The following GPHN variants were observed in gnomAD, a reference collection of about 807,000 sequenced individuals.
GPHN encodes gephyrin.
A neutral mutation model predicts 95.5 loss-of-function variants in GPHN; 17 were observed. That is an observed-to-expected ratio of 0.18 (90% CI 0.12 to 0.27). GPHN has a LOEUF of 0.27. Among genes scored for constraint, GPHN ranks in the 10% least tolerant of loss-of-function variants. The probability of loss-of-function intolerance (pLI) is 1.00; values close to 1 mark genes in which losing one functional copy is unlikely to be tolerated. For missense variants in GPHN, 660 were observed against 978.1 expected, an observed-to-expected ratio of 0.67 and a Z score of 4.34; for synonymous variants, 320 against 322.5, an observed-to-expected ratio of 0.99 and a Z score of 0.08.
the GPHN span, chr14:67,333,058 A>G: frequency 1.0e-6 from 1 of 999,708 alleles, no homozygotes; most frequent in Admixed American, 2.4e-5. Flanking sequence ...GATGGAAGGC[A>G]GCAGTATAAG....
intron 13 of GPHN, among the ~76,000 whole-genome samples, chr14:67,101,895 G>A (rs554976492): frequency 1.5e-5 from 2 of 137,598 alleles, no homozygotes; most frequent in East Asian, 2.3e-4. Flanking sequence ...TTTTTGAAAC[G>A]TAGTCTTGCT....
chr14:67,090,823 A>C (rs1287641009), intron 12 of GPHN, among the ~76,000 whole-genome samples: 1 of 152,004 alleles, frequency 6.6e-6, no homozygotes, highest in Non-Finnish European at 1.5e-5. Flanking sequence ...AGCTCACTTA[A>C]ATTTTTTAGC....
the GPHN span, chr14:67,650,894 G>T: frequency 6.2e-7 from 1 of 1,614,074 alleles, no homozygotes; most frequent in East Asian, 2.2e-5. Flanking sequence ...AGATGAATCA[G>T]AAAATCAAGC....
chr14:67,221,793 A>C, the GPHN span: 1 of 1,613,430 alleles, frequency 6.2e-7, no homozygotes, highest in Non-Finnish European at 8.5e-7. Flanking sequence ...TTGAGAACTG[A>C]ATCAAACACT....
chr14:67,370,763 T>C, the GPHN span, among the ~76,000 whole-genome samples: 3 of 152,218 alleles, frequency 2.0e-5, no homozygotes, highest in African/African-American at 7.2e-5. Context: ...CAGTGGTTCA[T>C]GTCTGTAATT....
At chr14:67,320,713 G>GA in the GPHN span, among the ~76,000 whole-genome samples, 23,526 of 152,012 alleles carry the variant, frequency 0.15, 3,444 homozygotes, top group East Asian at 0.42. Flanking sequence ...GGCATAATCT[G>GA]AAACAGAAGT....
At chr14:67,665,594 A>C in the GPHN span, among the ~76,000 whole-genome samples, 2 of 152,024 alleles carry the variant, frequency 1.3e-5, no homozygotes, top group African/African-American at 4.8e-5. Flanking sequence ...AGTGACCATA[A>C]ATCATTTTGG....
chr14:67,556,746 TATAC>T, the GPHN span, among the ~76,000 whole-genome samples: 1 of 152,326 alleles, frequency 6.6e-6, no homozygotes, highest in African/African-American at 2.4e-5. Flanking sequence ...TAAATAAATA[TATAC>T]ATACATACAT....
chr14:67,248,269 C>G, the GPHN span, among the ~76,000 whole-genome samples: 7 of 151,780 alleles, frequency 4.6e-5, no homozygotes, highest in African/African-American at 9.7e-5. Context: ...GCCTGTAGCC[C>G]CAGCCAATTG....
At chr14:67,538,218 A>G in the GPHN span, among the ~76,000 whole-genome samples, 6 of 152,178 alleles carry the variant, frequency 3.9e-5, no homozygotes, top group Admixed American at 6.5e-5. Flanking sequence ...CTAGCCTGTT[A>G]GTATGAGATA....
In GPHN at chr14:67,153,882, CAAT is replaced by C. The variant is rs573290438; in HGVS notation, c.1837-5532_1837-5530del. Among the ~76,000 whole-genome samples the C allele has an allele frequency of 7.2e-5, 11 of 152,202 alleles. No homozygotes were observed. In the East Asian group the frequency reaches 2.1e-3, roughly 29 times the overall value. ...CAATAGGTAAACAAAAATATAAGAA[CAAT>C]GATGATTCTCAGCCTTTATCACTAT... On this transcript the variant is annotated intron_variant, in intron 18 of 22. Transcript: ENST00000478722.
At chr14:66,854,717 A>G (rs2062726942) in intron 4 of GPHN, among the ~76,000 whole-genome samples, 1 of 152,188 alleles carries the variant, frequency 6.6e-6, no homozygotes, top group Non-Finnish European at 1.5e-5. Flanking sequence ...TAACAGCTCT[A>G]TTGAGATATA....
chr14:67,479,826 C>T, the GPHN span, among the ~76,000 whole-genome samples: 199 of 152,296 alleles, frequency 1.3e-3, no homozygotes, highest in African/African-American at 4.5e-3. Flanking sequence ...CCAAAGAAAC[C>T]TGAAGTCATG....
At chr14:66,931,673 A>G (rs759486191) in intron 8 of GPHN, among the ~76,000 whole-genome samples, 7 of 152,118 alleles carry the variant, frequency 4.6e-5, no homozygotes, top group African/African-American at 1.4e-4. Flanking sequence ...CAGTTTGTCA[A>G]TTCAGTTTTC....
chr14:67,129,721 C>A (rs1192673727), intron 17 of GPHN, among the ~76,000 whole-genome samples: 1 of 151,054 alleles, frequency 6.6e-6, no homozygotes, highest in Non-Finnish European at 1.5e-5. Context: ...TAGATATTTT[C>A]CCCCAATAGA....
intron 1 of GPHN, among the ~76,000 whole-genome samples, chr14:66,640,660 C>T (rs2064343444): frequency 6.6e-6 from 1 of 152,024 alleles, no homozygotes; most frequent in South Asian, 2.1e-4. Context: ...TGAACATCAC[C>T]TTGGATTTAA....
rs937749343 is a variant in GPHN at position 67,040,807 on chromosome 14, G to A, written c.1006+17132G>A. Among the ~76,000 whole-genome samples the A allele has an allele frequency of 2.0e-5, 3 of 152,206 alleles. No individual in the cohort carries two copies. In the East Asian group the frequency reaches 5.8e-4, roughly 29 times the overall value. On this transcript the variant is annotated intron_variant, in intron 10 of 22. Coordinates refer to ENST00000478722, the MANE Select transcript of GPHN (RefSeq NM_020806.5). The stretch of plus-strand genomic sequence containing the variant: ...CAAATGTGATGTTGTATCTTTCTCA[G>A]TGCATCTTATCAGGGGGCTCATGAT...
chr14:67,701,425 C>CTTTT, the GPHN span, among the ~76,000 whole-genome samples: 9 of 71,116 alleles, frequency 1.3e-4, no homozygotes, highest in Middle Eastern at 6.7e-3. Flanking sequence ...ATTATAATTT[C>CTTTT]TTTTTTTTTT....
At chr14:66,633,384 T>G (rs1235880350) in intron 1 of GPHN, among the ~76,000 whole-genome samples, 1 of 152,208 alleles carries the variant, frequency 6.6e-6, no homozygotes, top group Non-Finnish European at 1.5e-5. Flanking sequence ...GCAGGCAAAC[T>G]TTTCTATTTC....
Sources: gnomAD v4.1 joint callset for allele counts (sites outside exome capture counted in the v4.1 genomes callset) on GRCh38, gnomAD v4.1.1 for gene constraint, MANE v1.5 for transcripts, NCBI Gene and HGNC (gene_info 2026-07-23, HGNC 2026-07-21) for gene names.